Variants in NRP1 observed in about 807,000 individuals in gnomAD.
NRP1 encodes neuropilin-1.
A neutral mutation model predicts 106.7 loss-of-function variants in NRP1; 35 were observed. The observed-to-expected ratio is 0.33, with a 90% CI of 0.25 to 0.43. The LOEUF is 0.43. NRP1 is among the 20% of genes least tolerant of loss of function. NRP1 has a pLI of 1.00. For missense variants in NRP1, 1,024 were observed against 1,170.4 expected, an observed-to-expected ratio of 0.87 and a Z score of 1.83; for synonymous variants, 437 against 417.9, an observed-to-expected ratio of 1.05 and a Z score of -0.56.
chr10:33,226,311 G>A lies in NRP1; in HGVS notation c.982-22C>T, dbSNP rs772093063. 13 of 1,613,394 alleles carry A rather than the reference G, an allele frequency of 8.1e-6. No homozygotes were observed. The East Asian group carries it at 2.9e-4, about 36-fold the overall frequency. On this transcript the variant is annotated intron_variant, in intron 6 of 16. Coordinates refer to ENST00000374867, the MANE Select transcript of NRP1 (RefSeq NM_003873.7). ...CTACCTGCAAGACAAGTACAAGCGT[G>A]GTCAGTGCACCATCCCTGCAGCACA...
intron 2 of NRP1, 37 bp downstream of exon 2, chr10:33,330,671 G>C: frequency 7.6e-6 from 12 of 1,571,360 alleles, no homozygotes; most frequent in Non-Finnish European, 1.0e-5. Flanking sequence ...CCACTAGATG[G>C]TGCTGTGGTG....
chr10:33,188,827 C>T lies in NRP1; in HGVS notation c.2063-2339G>A, dbSNP rs1227608599. 7.3e-5 allele frequency among the ~76,000 whole-genome samples: 11 copies of T among 150,122 alleles called. 1 individual carries two copies. The South Asian group carries it at 2.1e-3, about 29-fold the overall frequency. On this transcript the variant is annotated intron_variant, in intron 13 of 16. Transcript: ENST00000374867. ...ACTTAGGAGGCTGAGACAGGAGAAT[C>T]GCTTGAACCTGGGAGGTGGAGGATG...
At chr10:33,187,002 C>T (rs1836054235) in intron 13 of NRP1, among the ~76,000 whole-genome samples, 1 of 152,090 alleles carries the variant, frequency 6.6e-6, no homozygotes, top group African/African-American at 2.4e-5. Context: ...TGACTACGGG[C>T]CCATGCCACC....
intron 2 of NRP1, among the ~76,000 whole-genome samples, chr10:33,305,969 A>T (rs1374731204): frequency 5.3e-5 from 8 of 151,908 alleles, no homozygotes; most frequent in Non-Finnish European, 1.5e-5. Context: ...GGGTTTCACC[A>T]TGTTGGCCAG....
intron 7 of NRP1, among the ~76,000 whole-genome samples, chr10:33,223,160 G>A (rs1205305451): frequency 6.6e-6 from 1 of 152,170 alleles, no homozygotes; most frequent in Admixed American, 6.5e-5. Flanking sequence ...GGGCTCACTC[G>A]AGGCATGCAG....
At chr10:33,304,318 T>A (rs1175312295) in intron 2 of NRP1, among the ~76,000 whole-genome samples, 1 of 152,124 alleles carries the variant, frequency 6.6e-6, no homozygotes, top group African/African-American at 2.4e-5. Flanking sequence ...CAGCAAAAAA[T>A]TGAGAAAGCT....
intron 2 of NRP1, among the ~76,000 whole-genome samples, chr10:33,311,666 T>C (rs1846615182): frequency 1.3e-5 from 2 of 152,204 alleles, no homozygotes; most frequent in Non-Finnish European, 2.9e-5. Flanking sequence ...AATTCTGGTG[T>C]CCCAAGAAAC....
At chr10:33,181,324 G>A (rs556188982) in intron 16 of NRP1, among the ~76,000 whole-genome samples, 2 of 152,334 alleles carry the variant, frequency 1.3e-5, no homozygotes, top group South Asian at 4.1e-4. Flanking sequence ...TCTCTCCCTT[G>A]ATGAAATATT....
chr10:33,232,558 T>C (rs187992110), intron 6 of NRP1, among the ~76,000 whole-genome samples: 10 of 152,166 alleles, frequency 6.6e-5, no homozygotes, highest in African/African-American at 2.2e-4. Context: ...CATCTGGTAT[T>C]TATCGATGGC....
chr10:33,319,302 A>G (rs1847281309), intron 2 of NRP1, among the ~76,000 whole-genome samples: 1 of 151,714 alleles, frequency 6.6e-6, no homozygotes, highest in Non-Finnish European at 1.5e-5. Context: ...CACCGCGCCC[A>G]GAGGACTTAG....
At chr10:33,229,934 C>T (rs1296689999) in intron 6 of NRP1, among the ~76,000 whole-genome samples, 1 of 152,128 alleles carries the variant, frequency 6.6e-6, no homozygotes, top group Non-Finnish European at 1.5e-5. Flanking sequence ...CACAGGGATA[C>T]TTGAAATTTC....
chr10:33,322,986 C>T (rs1847624900), intron 2 of NRP1, among the ~76,000 whole-genome samples: 2 of 152,140 alleles, frequency 1.3e-5, no homozygotes, highest in Admixed American at 1.3e-4. Flanking sequence ...TGACTTTTCC[C>T]AGCTTCAGGG....
chr10:33,188,772 C>T (rs1025430194), intron 13 of NRP1, among the ~76,000 whole-genome samples: 2 of 151,214 alleles, frequency 1.3e-5, no homozygotes, highest in Admixed American at 6.6e-5. Context: ...TCCTACATAG[C>T]TGTAGTCCTA....
rs867151708 is a variant in NRP1, at chr10:33,325,230, T to C, written c.248+5478A>G. On this transcript the variant is annotated intron_variant, in intron 2 of 16. Transcript: ENST00000374867. ...TTTCATATGGAAAATAGAGATGTAG[T>C]TTGGCTTAAAAAACTCAGTTTTCCA... Among the ~76,000 whole-genome samples the C allele has an allele frequency of 2.0e-5, 3 of 152,304 alleles. No individual in the cohort carries two copies. The South Asian group carries it at 6.2e-4, about 32-fold the overall frequency.
chr10:33,220,939 A>T (rs1839198311), intron 8 of NRP1, among the ~76,000 whole-genome samples: 1 of 151,404 alleles, frequency 6.6e-6, no homozygotes, highest in Non-Finnish European at 1.5e-5. Flanking sequence ...ACAAATAAAA[A>T]GATAAAGCTG....
At chr10:33,202,576 GTC>G (rs1837416401) in intron 11 of NRP1, 4 of 1,419,272 alleles carry the variant, frequency 2.8e-6, no homozygotes, top group Admixed American at 2.5e-5. Context: ...TTGGGGGGGG[GTC>G]TGAAAATAAT....
At chr10:33,328,010 C>T (rs1848012508) in intron 2 of NRP1, among the ~76,000 whole-genome samples, 1 of 152,056 alleles carries the variant, frequency 6.6e-6, no homozygotes, top group Non-Finnish European at 1.5e-5. Flanking sequence ...GACACCTTCA[C>T]AGAGAGCAAA....
intron 6 of NRP1, among the ~76,000 whole-genome samples, chr10:33,238,892 G>A (rs1394297319): frequency 6.9e-6 from 1 of 145,532 alleles, no homozygotes; most frequent in Non-Finnish European, 1.5e-5. Flanking sequence ...TTGGGTAATT[G>A]GAGTGGGTGC....
At chr10:33,262,018 G>A (rs1367743241) in intron 4 of NRP1, among the ~76,000 whole-genome samples, 1 of 152,216 alleles carries the variant, frequency 6.6e-6, no homozygotes, top group African/African-American at 2.4e-5. Flanking sequence ...TTACAGGTAG[G>A]AGCCACAGCA....
Sources: allele counts gnomAD v4.1 joint callset (sites outside exome capture counted in the v4.1 genomes callset), GRCh38; gene constraint gnomAD v4.1.1; transcripts MANE v1.5; gene names NCBI Gene and HGNC (gene_info 2026-07-23, HGNC 2026-07-21).